EXOC6: variants seen among roughly 807,000 people sequenced by gnomAD.
EXOC6 encodes exocyst complex component 6.
EXOC6 carries 60 observed loss-of-function variants against 112.5 expected under a neutral mutation model. That is an observed-to-expected ratio of 0.53 (90% CI 0.43 to 0.66). EXOC6 has a LOEUF of 0.66. Among genes scored for constraint, EXOC6 ranks in the 30% least tolerant of loss-of-function variants. EXOC6 has a pLI of 0.00. For missense variants in EXOC6, 855 were observed against 957.1 expected (o/e 0.89, Z 1.41); for synonymous variants, 295 against 308.0 (o/e 0.96, Z 0.44).
intron 19 of EXOC6, among the ~76,000 whole-genome samples, chr10:93,002,326 TA>T (rs1363235678): frequency 6.6e-6 from 1 of 152,244 alleles, no homozygotes; most frequent in African/African-American, 2.4e-5. Context: ...TCTACATATT[TA>T]ACAAAGTCAT....
intron 17 of EXOC6, among the ~76,000 whole-genome samples, chr10:92,967,006 T>C (rs1159554413): frequency 6.8e-6 from 1 of 146,654 alleles, no homozygotes; most frequent in Non-Finnish European, 1.5e-5. Context: ...TGGTATCTCA[T>C]TGTGGTTTTG....
intron 6 of EXOC6, among the ~76,000 whole-genome samples, chr10:92,913,028 G>T (rs946747177): frequency 7.2e-5 from 11 of 152,146 alleles, no homozygotes; most frequent in Non-Finnish European, 1.3e-4. Context: ...CACATCACGT[G>T]CTTTTGGCTC....
intron 17 of EXOC6, among the ~76,000 whole-genome samples, chr10:92,958,277 G>GA (rs1408022558): frequency 6.6e-6 from 1 of 151,702 alleles, no homozygotes; most frequent in Non-Finnish European, 1.5e-5. Flanking sequence ...CAGTATAGAA[G>GA]AAAAAAAATG....
chr10:92,981,819 A>T (rs1363863115), intron 18 of EXOC6, among the ~76,000 whole-genome samples: 2 of 152,094 alleles, frequency 1.3e-5, no homozygotes, highest in Middle Eastern at 3.4e-3. Context: ...TGGACAATTT[A>T]AAAAAAAGAC....
At chr10:93,038,191 G>A (rs1845604131) in intron 20 of EXOC6, among the ~76,000 whole-genome samples, 1 of 151,456 alleles carries the variant, frequency 6.6e-6, no homozygotes, top group African/African-American at 2.4e-5. Context: ...AACAGTAAAT[G>A]CACTGTTTGT....
intron 20 of EXOC6, among the ~76,000 whole-genome samples, chr10:93,054,567 C>G (rs894124893): frequency 2.6e-5 from 4 of 152,214 alleles, no homozygotes; most frequent in African/African-American, 7.2e-5. Flanking sequence ...ATATGAGTAT[C>G]TGACCATATG....
intron 9 of EXOC6, 37 bp downstream of exon 9, chr10:92,928,459 C>G (rs774818864): frequency 3.7e-5 from 46 of 1,243,528 alleles, no homozygotes; most frequent in Non-Finnish European, 5.1e-5. Context: ...TATGTTGTCA[C>G]TTTTTATCCC....
chr10:92,872,048 T>C (rs1848475299), intron 1 of EXOC6, among the ~76,000 whole-genome samples: 1 of 152,096 alleles, frequency 6.6e-6, no homozygotes, highest in African/African-American at 2.4e-5. Flanking sequence ...CCTTTCTGCT[T>C]TTATTTTTAA....
At chr10:92,839,691 C>T (rs1408842291) in intron 1 of EXOC6, among the ~76,000 whole-genome samples, 3 of 152,106 alleles carry the variant, frequency 2.0e-5, no homozygotes, top group Admixed American at 6.5e-5. Context: ...GTGTTGTTAG[C>T]CCCTTAGAAC....
intron 8 of EXOC6, among the ~76,000 whole-genome samples, chr10:92,920,579 G>A (rs1353594454): frequency 6.6e-6 from 1 of 152,096 alleles, no homozygotes; most frequent in Non-Finnish European, 1.5e-5. Flanking sequence ...GTTATTAGGT[G>A]GTGTGTTCTA....
chr10:92,974,815 G>C (rs1324311952), intron 18 of EXOC6, among the ~76,000 whole-genome samples: 2 of 152,188 alleles, frequency 1.3e-5, no homozygotes, highest in Admixed American at 6.5e-5. Flanking sequence ...TGATCCGCCA[G>C]CCTCGGCCTC....
At chr10:92,829,148 C>T (rs1202281049) in intron 1 of EXOC6, among the ~76,000 whole-genome samples, 1 of 152,070 alleles carries the variant, frequency 6.6e-6, no homozygotes, top group Non-Finnish European at 1.5e-5. Context: ...ACCACATGTG[C>T]CATAGGGAGC....
intron 1 of EXOC6, among the ~76,000 whole-genome samples, chr10:92,874,509 G>A (rs574922731): frequency 3.9e-5 from 6 of 152,230 alleles, no homozygotes; most frequent in South Asian, 4.1e-4. Context: ...ATGCTCTAAT[G>A]TGCTAGTCAG....
intron 17 of EXOC6, among the ~76,000 whole-genome samples, chr10:92,965,984 A>G (rs561501845): frequency 5.9e-5 from 9 of 152,190 alleles, no homozygotes; most frequent in African/African-American, 2.2e-4. Context: ...TTTGCTTCCT[A>G]TTATAGCCCG....
At chr10:92,839,552 C>T (rs1180207977) in intron 1 of EXOC6, among the ~76,000 whole-genome samples, 1 of 152,150 alleles carries the variant, frequency 6.6e-6, no homozygotes, top group African/African-American at 2.4e-5. Flanking sequence ...GTGTTCATAA[C>T]ATTTATTTAC....
At chr10:92,837,145 C>T (rs71480842) in intron 1 of EXOC6, among the ~76,000 whole-genome samples, 3,223 of 139,594 alleles carry the variant, frequency 0.023, 51 homozygotes, top group Non-Finnish European at 0.035. Context: ...CAAGCCAGAA[C>T]AAATGCTCTG....
intron 1 of EXOC6, among the ~76,000 whole-genome samples, chr10:92,836,914 G>A (rs879517987): frequency 1.3e-4 from 20 of 151,848 alleles, no homozygotes; most frequent in Admixed American, 3.3e-4. Flanking sequence ...CCTATTATTC[G>A]CTCTTCTTTC....
At chr10:92,848,966 C>T (rs1339752574) in intron 1 of EXOC6, among the ~76,000 whole-genome samples, 1 of 152,172 alleles carries the variant, frequency 6.6e-6, no homozygotes, top group African/African-American at 2.4e-5. Context: ...CCCGAGGACA[C>T]TTCTGGGGCC....
intron 20 of EXOC6, among the ~76,000 whole-genome samples, chr10:93,046,856 C>T (rs889338662): frequency 3.3e-5 from 5 of 152,116 alleles, no homozygotes. Context: ...CCTCAGCCTC[C>T]CAAAGTGCTG....
Sources: gnomAD v4.1 joint callset for allele counts (sites outside exome capture counted in the v4.1 genomes callset) on GRCh38, gnomAD v4.1.1 for gene constraint, MANE v1.5 for transcripts, NCBI Gene and HGNC (gene_info 2026-07-23, HGNC 2026-07-21) for gene names.